Variants in PARD3B observed in about 807,000 individuals in gnomAD.
PARD3B encodes par-3 family cell polarity regulator beta, also known as partitioning defective 3 homolog B.
In PARD3B, 103 loss-of-function variants were observed where a neutral mutation model predicts 130.2. The observed-to-expected ratio is 0.79, with a 90% CI of 0.67 to 0.93. The LOEUF (loss-of-function observed/expected upper bound fraction) is 0.93. Ranked by LOEUF, PARD3B falls within the 40% of genes least tolerant of loss-of-function variation. PARD3B has a pLI of 0.00. For missense variants in PARD3B, 1,609 were observed against 1,499.2 expected (o/e 1.07, Z -1.21); for synonymous variants, 583 against 553.2 (o/e 1.05, Z -0.76).
intron 15 of PARD3B, among the ~76,000 whole-genome samples, chr2:205,197,446 A>T (rs1187901496): frequency 6.6e-6 from 1 of 152,146 alleles, no homozygotes; most frequent in East Asian, 1.9e-4. Context: ...GATGGTTAAC[A>T]CATTATATGC....
At chr2:204,800,012 C>T (rs957168019) in intron 2 of PARD3B, among the ~76,000 whole-genome samples, 2 of 152,274 alleles carry the variant, frequency 1.3e-5, no homozygotes, top group Admixed American at 6.5e-5. Context: ...TCTACAAAAA[C>T]GTGATCTCAC....
In PARD3B at chr2:205,079,096, A is replaced by G. The variant is rs73057149; in HGVS notation, c.505-25330A>G. Among the ~76,000 whole-genome samples, 966 of 152,320 alleles carry G rather than the reference A, an allele frequency of 6.3e-3. 16 individuals are homozygous for G. The highest frequency in any genetic ancestry group is 0.022 in the African/African-American group (914 of 41,578). On this transcript the variant is annotated intron_variant, in intron 4 of 22. Transcript: ENST00000406610. ...GAGATGTGAATATGTAAACCAGAAT[A>G]CATATTGCTTTATACCACTGAGTTG...
At chr2:204,886,864 G>A (rs1056504600) in intron 2 of PARD3B, among the ~76,000 whole-genome samples, 3 of 152,158 alleles carry the variant, frequency 2.0e-5, no homozygotes, top group East Asian at 1.9e-4. Flanking sequence ...CAGACAGGTG[G>A]TGTGTTTAAC....
At chr2:205,275,053 A>G (rs2040883846) in intron 16 of PARD3B, among the ~76,000 whole-genome samples, 1 of 152,164 alleles carries the variant, frequency 6.6e-6, no homozygotes, top group Non-Finnish European at 1.5e-5. Context: ...ATGTTTAAAC[A>G]TAAGAGAAAA....
At chr2:204,901,288 C>G (rs1203388035) in intron 2 of PARD3B, among the ~76,000 whole-genome samples, 1 of 152,068 alleles carries the variant, frequency 6.6e-6, no homozygotes, top group Non-Finnish European at 1.5e-5. Flanking sequence ...TATTCTATGG[C>G]AGCTGCACTG....
chr2:204,585,970 A>G (rs1196734728), intron 1 of PARD3B, among the ~76,000 whole-genome samples: 12 of 152,220 alleles, frequency 7.9e-5, no homozygotes, highest in Non-Finnish European at 1.5e-4. Context: ...ATCATTTAAA[A>G]GCATTTTTAA....
At chr2:204,797,908 G>C (rs1382081858) in intron 2 of PARD3B, among the ~76,000 whole-genome samples, 1 of 152,080 alleles carries the variant, frequency 6.6e-6, no homozygotes, top group Non-Finnish European at 1.5e-5. Context: ...AAATGCTAAG[G>C]ATGCCATTTT....
In PARD3B at chr2:204,642,879, C is replaced by T. The variant is rs141752036; in HGVS notation, c.121-43302C>T. ...CTGTAATCCCAGCACTTTGGGAGGC[C>T]GAGGCGGGTGGATCACAAGGTCAGG... is the stretch of plus-strand genomic sequence containing the variant. On this transcript the variant is annotated intron_variant, in intron 1 of 22. Transcript: ENST00000406610. 8.3e-3 allele frequency among the ~76,000 whole-genome samples: 1,252 copies of T among 151,104 alleles called. 9 individuals carry two copies. The highest frequency in any genetic ancestry group is 0.028 in the African/African-American group (1,150 of 41,180).
rs1326119402 is a variant in PARD3B at position 205,617,977 on chromosome 2, G to A, written c.*2164G>A. On this transcript the variant is annotated 3_prime_UTR_variant, in exon 23 of 23. Coordinates refer to ENST00000406610, the MANE Select transcript of PARD3B (RefSeq NM_001302769.2). ...AGCCAGGGGTGATGGTGTCAGGTGA[G>A]AATCCTGTGTCTTGAAGGAGTGGCC... is the stretch of plus-strand genomic sequence containing the variant. The A allele has an allele frequency of 6.6e-6, 1 of 152,270 alleles. No homozygotes were observed. The highest frequency in any genetic ancestry group is 2.4e-5 in the African/African-American group (1 of 41,444). The allele number at this position is 152,270 out of a possible 1,614,324, so 9.4% of individuals were successfully genotyped here.
intron 16 of PARD3B, among the ~76,000 whole-genome samples, chr2:205,259,264 T>C (rs564184550): frequency 6.6e-6 from 1 of 152,338 alleles, no homozygotes; most frequent in South Asian, 2.1e-4. Flanking sequence ...TTCTGAAGTA[T>C]GCCTTCCAGA....
chr2:204,978,961 G>C, intron 3 of PARD3B, among the ~76,000 whole-genome samples: 1 of 115,658 alleles, frequency 8.6e-6, no homozygotes, highest in Non-Finnish European at 1.9e-5. Context: ...TGAGACCCTG[G>C]CCTCAAAAAA....
At chr2:205,114,423 A>G (rs569631722) in intron 6 of PARD3B, among the ~76,000 whole-genome samples, 47 of 152,230 alleles carry the variant, frequency 3.1e-4, no homozygotes, top group Admixed American at 1.4e-3. Flanking sequence ...CACTAACATG[A>G]CATGATTTTA....
intron 2 of PARD3B, among the ~76,000 whole-genome samples, chr2:204,814,031 A>G (rs1350842352): frequency 2.6e-5 from 4 of 152,124 alleles, no homozygotes; most frequent in Non-Finnish European, 5.9e-5. Flanking sequence ...ATTATGTTCA[A>G]GATATAGTCC....
intron 18 of PARD3B, among the ~76,000 whole-genome samples, chr2:205,313,877 C>T (rs1476718688): frequency 2.0e-5 from 3 of 152,156 alleles, no homozygotes; most frequent in African/African-American, 7.2e-5. Context: ...AAATAAACTT[C>T]ATTAGCATTT....
At chr2:205,586,052 A>T (rs2054185806) in intron 22 of PARD3B, among the ~76,000 whole-genome samples, 1 of 152,204 alleles carries the variant, frequency 6.6e-6, no homozygotes, top group Admixed American at 6.5e-5. Context: ...CTAATGAGGG[A>T]TGGCTTTCAT....
chr2:205,084,142 C>T (rs1414675968), intron 4 of PARD3B, among the ~76,000 whole-genome samples: 1 of 152,080 alleles, frequency 6.6e-6, no homozygotes, highest in Non-Finnish European at 1.5e-5. Flanking sequence ...ATCTAAAATG[C>T]ACCTACACGT....
chr2:204,776,275 T>C (rs1419708640), intron 2 of PARD3B, among the ~76,000 whole-genome samples: 1 of 152,068 alleles, frequency 6.6e-6, no homozygotes, highest in Non-Finnish European at 1.5e-5. Context: ...ACAAGGGGAG[T>C]TGAAAGCCTT....
chr2:204,649,958 A>G (rs1482554898), intron 1 of PARD3B, among the ~76,000 whole-genome samples: 1 of 152,206 alleles, frequency 6.6e-6, no homozygotes, highest in Non-Finnish European at 1.5e-5. Context: ...AAAAGAAACT[A>G]TCAACAGAGT....
At chr2:205,497,465 T>C (rs2049976527) in intron 20 of PARD3B, among the ~76,000 whole-genome samples, 1 of 140,958 alleles carries the variant, frequency 7.1e-6, no homozygotes, top group Non-Finnish European at 1.5e-5. Flanking sequence ...ACAAACACAG[T>C]TGTAAAATAT....
Sources: gnomAD v4.1 joint callset for allele counts (sites outside exome capture counted in the v4.1 genomes callset) on GRCh38, gnomAD v4.1.1 for gene constraint, MANE v1.5 for transcripts, NCBI Gene and HGNC (gene_info 2026-07-23, HGNC 2026-07-21) for gene names.